UBE2E1: variants seen among roughly 807,000 people sequenced by gnomAD.
UBE2E1 encodes ubiquitin-conjugating enzyme E2 E1.
A neutral mutation model predicts 21.4 loss-of-function variants in UBE2E1; 6 were observed. The observed-to-expected ratio is 0.28, with a 90% CI of 0.15 to 0.55. The LOEUF (loss-of-function observed/expected upper bound fraction) is 0.55. UBE2E1 is among the 20% of genes least tolerant of loss of function. The probability of loss-of-function intolerance (pLI) is 0.93; values close to 1 mark genes in which losing one functional copy is unlikely to be tolerated. For synonymous variants in UBE2E1, 87 were observed against 82.7 expected, an observed-to-expected ratio of 1.05 and a Z score of -0.28; for missense variants, 142 against 236.5, an observed-to-expected ratio of 0.60 and a Z score of 2.62.
intron 3 of UBE2E1, among the ~76,000 whole-genome samples, chr3:23,812,062 A>G (rs1026293412): frequency 6.6e-6 from 1 of 152,104 alleles, no homozygotes; most frequent in Non-Finnish European, 1.5e-5. Flanking sequence ...TGTTTTTTTC[A>G]CTTGCTTTAT....
chr3:23,811,676 G>A (rs896172407), intron 3 of UBE2E1, among the ~76,000 whole-genome samples, 166 bp downstream of exon 3: 21 of 152,142 alleles, frequency 1.4e-4, no homozygotes, highest in Admixed American at 1.2e-3. Flanking sequence ...ATGTTTTGAT[G>A]AGCCTCTGAC....
chr3:23,841,226 G>C (rs932765860), intron 3 of UBE2E1, among the ~76,000 whole-genome samples: 1 of 152,176 alleles, frequency 6.6e-6, no homozygotes, highest in Non-Finnish European at 1.5e-5. Flanking sequence ...CGTCTTAAAT[G>C]GCTATGTTTC....
chr3:23,845,583 C>CTGTGTGTGTGTGTGTG (rs768414328), intron 3 of UBE2E1, among the ~76,000 whole-genome samples: 165 of 48,812 alleles, frequency 3.4e-3, no homozygotes, highest in East Asian at 0.013. Context: ...CTCTCTCTCT[C>CTGTGTGTGTGTGTGTG]TCTCTCTGTG....
chr3:23,839,308 A>G (rs1700035844), intron 3 of UBE2E1, among the ~76,000 whole-genome samples: 2 of 151,836 alleles, frequency 1.3e-5, no homozygotes, highest in South Asian at 4.2e-4. Context: ...CTAAAAATAC[A>G]AAAAAATTAG....
rs1268871851 is a variant in UBE2E1 at position 23,876,397 on chromosome 3, A to AGG, written c.204-11167_204-11166dup. 6.6e-6 allele frequency among the ~76,000 whole-genome samples: 1 copy of AGG among 152,166 alleles called. No individual in the cohort carries two copies. The highest frequency in any genetic ancestry group is 1.5e-5 in the Non-Finnish European group (1 of 68,026). On this transcript the variant is annotated intron_variant, in intron 3 of 5. Coordinates refer to ENST00000306627, the MANE Select transcript of UBE2E1 (RefSeq NM_003341.5). This position sits in a 1 kb window ranked among gnomAD's most constrained non-coding sequence, Gnocchi z 4.3. ...GTTACAAAAGGTTACTGTTTTATGA[A>AGG]GGGGTGCTGAGGGTAAGAATGTACC... is the stretch of plus-strand genomic sequence containing the variant.
rs1223026069 is a variant in UBE2E1, at chr3:23,853,691, T to C, written c.204-33876T>C. 1.3e-5 allele frequency among the ~76,000 whole-genome samples: 2 copies of C among 152,168 alleles called. No individual in the cohort carries two copies. Among genetic ancestry groups the C allele is most frequent in the African/African-American group, 4.8e-5 (2 of 41,444 alleles). On this transcript the variant is annotated intron_variant, in intron 3 of 5. Coordinates refer to ENST00000306627, the MANE Select transcript of UBE2E1 (RefSeq NM_003341.5). The surrounding 1 kb of genome is among the most constrained non-coding windows in gnomAD (Gnocchi z 4.1). ...AACTTGTTTCTTGGTAATGAGTGAATTGGTGAAAATAACTACATGTACACC... is the reference window on the plus strand; with the variant it reads ...AACTTGTTTCTTGGTAATGAGTGAACTGGTGAAAATAACTACATGTACACC...
intron 3 of UBE2E1, among the ~76,000 whole-genome samples, chr3:23,865,181 C>G (rs1323262894): frequency 6.6e-6 from 1 of 152,192 alleles, no homozygotes; most frequent in African/African-American, 2.4e-5. Flanking sequence ...TCATCTGTAG[C>G]TCTTACAAGG....
At chr3:23,807,032 A>T (rs151264152) in intron 1 of UBE2E1, 3 of 419,702 alleles carry the variant, frequency 7.1e-6, no homozygotes, top group East Asian at 3.9e-5. Flanking sequence ...GTTTTCCCAC[A>T]GCGTTCCCCA....
At chr3:23,811,306 C>T (rs991592598) in intron 2 of UBE2E1, among the ~76,000 whole-genome samples, 154 bp from the exon 3 acceptor site, 1 of 152,194 alleles carries the variant, frequency 6.6e-6, no homozygotes, top group Non-Finnish European at 1.5e-5. Context: ...TTTTCCTAAA[C>T]TAGGGACCTG....
intron 3 of UBE2E1, among the ~76,000 whole-genome samples, chr3:23,869,142 G>C (rs927923287): frequency 1.6e-4 from 25 of 152,112 alleles, no homozygotes; most frequent in African/African-American, 5.8e-4. Context: ...TTGCCATTCT[G>C]ATAGGTAAAA....
At chr3:23,807,544 A>G (rs559612587) in intron 2 of UBE2E1, 123 bp downstream of exon 2, 1 of 1,258,404 alleles carries the variant, frequency 7.9e-7, no homozygotes, top group East Asian at 2.5e-5. Context: ...CTTAAAAATG[A>G]AAGAAGGGCC....
chr3:23,878,895 C>A, intron 3 of UBE2E1: 1 of 336,828 alleles, frequency 3.0e-6, no homozygotes, highest in African/African-American at 2.2e-5. Context: ...GCACTTGAAT[C>A]ATCCCAAACC....
chr3:23,888,885 A>G (rs963134385), intron 4 of UBE2E1, among the ~76,000 whole-genome samples: 2 of 152,238 alleles, frequency 1.3e-5, no homozygotes, highest in African/African-American at 2.4e-5. Flanking sequence ...CTAAAGATGA[A>G]ATTAGGAAGT....
Position 23,843,707 on chromosome 3 carries a change from C to G in UBE2E1, c.203+32197C>G, listed in dbSNP as rs114328079. ...CAAGCATCTTCCATACCAGTGTCAT[C>G]TTTAACAACTGTGTGGCAGTTTGGA... On this transcript the variant is annotated intron_variant, in intron 3 of 5. Transcript: ENST00000306627. Among the ~76,000 whole-genome samples the G allele has an allele frequency of 1.8e-3, 248 of 137,740 alleles. 1 individual carries two copies. Among genetic ancestry groups the G allele is most frequent in the African/African-American group, 6.8e-3 (245 of 35,820 alleles). 90.4% of individuals were successfully genotyped at this position (137,740 alleles called of 152,430 possible). A position where few individuals can be genotyped will look rare whatever the true frequency, so the allele number is the denominator to read the frequency against.
chr3:23,846,919 A>G (rs1391016362), intron 3 of UBE2E1, among the ~76,000 whole-genome samples: 1 of 151,910 alleles, frequency 6.6e-6, no homozygotes, highest in Non-Finnish European at 1.5e-5. Context: ...AATAGCTGCT[A>G]TCTTGAAATA....
chr3:23,846,522 C>A (rs1167150459), intron 3 of UBE2E1, among the ~76,000 whole-genome samples: 1 of 151,924 alleles, frequency 6.6e-6, no homozygotes, highest in African/African-American at 2.4e-5. Context: ...ATGGTGAAAC[C>A]CCATCTTTAC....
chr3:23,883,873 G>A (rs1386763038), intron 3 of UBE2E1, among the ~76,000 whole-genome samples: 1 of 145,070 alleles, frequency 6.9e-6, no homozygotes, highest in African/African-American at 2.6e-5. Context: ...CTGAGATCAT[G>A]CCACTGCACT....
At chr3:23,811,712 A>G (rs903778326) in intron 3 of UBE2E1, among the ~76,000 whole-genome samples, 2 of 152,228 alleles carry the variant, frequency 1.3e-5, no homozygotes, top group African/African-American at 4.8e-5. Flanking sequence ...GAGAAGAAGT[A>G]ATGGATTTAT....
intron 2 of UBE2E1, 158 bp downstream of exon 2, chr3:23,807,579 A>G (rs1407789104): frequency 3.5e-6 from 3 of 856,812 alleles, no homozygotes; most frequent in East Asian, 3.0e-5. Context: ...TATTTTCTCT[A>G]TTGCTGCTTC....
Sources: allele counts gnomAD v4.1 joint callset (sites outside exome capture counted in the v4.1 genomes callset), GRCh38; gene constraint gnomAD v4.1.1; non-coding constraint Gnocchi (gnomAD v3.1); transcripts MANE v1.5; gene names NCBI Gene and HGNC (gene_info 2026-07-23, HGNC 2026-07-21).